Variants in RFWD3 observed in about 807,000 individuals in gnomAD.
The protein encoded by RFWD3 is E3 ubiquitin-protein ligase RFWD3.
Under a neutral mutation model 87.7 loss-of-function variants are expected in RFWD3, and 65 were observed. The observed-to-expected ratio is 0.74, with a 90% confidence interval of 0.61 to 0.91. The LOEUF (loss-of-function observed/expected upper bound fraction) is 0.91. RFWD3 is among the 40% of genes least tolerant of loss of function. The pLI, the probability that RFWD3 is intolerant of heterozygous loss-of-function variation, is 0.00. For synonymous variants in RFWD3, 433 were observed against 352.8 expected, an observed-to-expected ratio of 1.23 and a Z score of -2.55; for missense variants, 1,078 against 938.5, an observed-to-expected ratio of 1.15 and a Z score of -1.94.
intron 6 of RFWD3, 50 bp downstream of exon 6, chr16:74,644,312 A>G (rs746665967): frequency 2.5e-6 from 4 of 1,574,592 alleles, no homozygotes; most frequent in Non-Finnish European, 3.5e-6. Context: ...AGATGTGCCT[A>G]CAATGAACCA....
chr16:74,623,052 T>C lies in RFWD3; in HGVS notation c.*876A>G, dbSNP rs1273543804. 2.0e-5 allele frequency: 3 copies of C among 152,202 alleles called. No homozygotes were observed. The highest frequency in any genetic ancestry group is 7.2e-5 in the African/African-American group (3 of 41,446). The allele number at this position is 152,202 out of a possible 1,614,324, so 9.4% of individuals were successfully genotyped here. ...TCTCTGACACTAGGGGAGACTCAAG[T>C]AAAAGCTTTGACCTATCACTCATCT... On this transcript the variant is annotated 3_prime_UTR_variant, in exon 13 of 13. Transcript: ENST00000361070.
At chr16:74,633,027 A>G (rs1959150324) in intron 8 of RFWD3, among the ~76,000 whole-genome samples, 1 of 152,064 alleles carries the variant, frequency 6.6e-6, no homozygotes, top group East Asian at 1.9e-4. Flanking sequence ...CTGTAATCCC[A>G]GCACTTTGGG....
intron 7 of RFWD3, among the ~76,000 whole-genome samples, chr16:74,636,899 G>C (rs1959210068): frequency 6.6e-6 from 1 of 151,754 alleles, no homozygotes; most frequent in African/African-American, 2.4e-5. Flanking sequence ...TTTTAGTAGA[G>C]ATGGGGTTTT....
intron 9 of RFWD3, among the ~76,000 whole-genome samples, chr16:74,631,364 C>T (rs1353484725): frequency 6.6e-6 from 1 of 151,890 alleles, no homozygotes; most frequent in Non-Finnish European, 1.5e-5. Context: ...CCCAGCTACT[C>T]GGGAGGCTGA....
At chr16:74,651,692 T>C (rs1960579734) in intron 3 of RFWD3, among the ~76,000 whole-genome samples, 2 of 152,146 alleles carry the variant, frequency 1.3e-5, no homozygotes, top group Admixed American at 1.3e-4. Flanking sequence ...AAAATGCCAC[T>C]ACAAAGTGAC....
In RFWD3 at chr16:74,647,883, C is replaced by T. The variant is rs369038170; in HGVS notation, c.792+1249G>A. Among the ~76,000 whole-genome samples the T allele has an allele frequency of 3.3e-5, 5 of 152,208 alleles. No individual in the cohort carries two copies. In the East Asian group the frequency reaches 7.8e-4, roughly 24 times the overall value. ...CTGGGATTATAGGCATGGGCCACCG[C>T]GCCCAGCCCATTATTTTTAAAAATA... On this transcript the variant is annotated intron_variant, in intron 4 of 12. Coordinates refer to ENST00000361070, the MANE Select transcript of RFWD3 (RefSeq NM_018124.4).
At chr16:74,652,760 T>C (rs1196251403) in intron 2 of RFWD3, among the ~76,000 whole-genome samples, 2 of 152,218 alleles carry the variant, frequency 1.3e-5, no homozygotes, top group East Asian at 1.9e-4. Context: ...ACCACTACTG[T>C]ACCTCAGTTT....
intron 2 of RFWD3, among the ~76,000 whole-genome samples, chr16:74,657,295 G>T (rs528335202): frequency 6.6e-6 from 1 of 152,156 alleles, no homozygotes; most frequent in Non-Finnish European, 1.5e-5. Flanking sequence ...AGAGCTCAAT[G>T]AGATTCGGCT....
In RFWD3 at chr16:74,632,635, T is replaced by C; in HGVS notation, c.1465A>G (p.Ser489Gly). ...CCATGCATCGGAATGTACTGACTGC[T>C]CTTCATGTTGGCAGTACTCAACATC... ...VKMLSTANMK[S>G]SQYIPMHGKQ... The change falls in exon 9 of 13, where the codon AGC becomes GGC. Residue 489 changes from serine (S) to glycine (G), a missense_variant. Transcript: ENST00000361070. 1 of 1,614,070 alleles carries C rather than the reference T, an allele frequency of 6.2e-7. No individual in the cohort carries two copies. Among genetic ancestry groups the C allele is most frequent in the Non-Finnish European group, 8.5e-7 (1 of 1,179,984 alleles).
intron 6 of RFWD3, among the ~76,000 whole-genome samples, chr16:74,640,316 T>C (rs1013956359): frequency 1.3e-5 from 2 of 151,854 alleles, no homozygotes; most frequent in Non-Finnish European, 2.9e-5. Context: ...CAGCTAATTT[T>C]TGTATTCTTA....
rs1342623731 is a variant in RFWD3 at position 74,644,555 on chromosome 16, G to A, written c.973C>T (p.Arg325Ter). The change falls in exon 5 of 13, where the codon CGA becomes TGA. Residue 325 changes from arginine to a stop codon, truncating the protein, a stop_gained. Coordinates refer to ENST00000361070, the MANE Select transcript of RFWD3 (RefSeq NM_018124.4). LOFTEE classifies it high-confidence loss of function. ...CISTWLKGQV[R>*]KCPQCNKKAR... ...ATGGTCCTTACCTGGGGACATTTTCGTACTTGTCCTTTAAGCCACGTGGAA... is the reference window on the plus strand; with the variant it reads ...ATGGTCCTTACCTGGGGACATTTTCATACTTGTCCTTTAAGCCACGTGGAA... 5.0e-6 allele frequency: 8 copies of A among 1,613,932 alleles called. No homozygotes were observed. The highest frequency in any genetic ancestry group is 1.7e-5 in the Admixed American group (1 of 59,986).
chr16:74,652,189 G>A (rs1028331031), intron 2 of RFWD3, 67 bp from the exon 3 acceptor site: 20 of 1,414,108 alleles, frequency 1.4e-5, no homozygotes, highest in Non-Finnish European at 1.9e-5. Flanking sequence ...AATCTATAGT[G>A]ATTTGAAGTA....
chr16:74,657,352 A>T (rs1378623171), intron 2 of RFWD3, among the ~76,000 whole-genome samples: 1 of 152,096 alleles, frequency 6.6e-6, no homozygotes, highest in East Asian at 1.9e-4. Context: ...GCATTTGGTC[A>T]GTTTCCTGAA....
At chr16:74,624,711 A>G (rs1958870845) in intron 12 of RFWD3, among the ~76,000 whole-genome samples, 1 of 152,152 alleles carries the variant, frequency 6.6e-6, no homozygotes, top group African/African-American at 2.4e-5. Flanking sequence ...AAAATTTATT[A>G]TTGGCCAGGC....
Position 74,624,026 on chromosome 16 carries a change from C to T in RFWD3, c.2227G>A (p.Asp743Asn), listed in dbSNP as rs775043994. The T allele has an allele frequency of 1.5e-5, 24 of 1,613,910 alleles. No individual in the cohort carries two copies. Among genetic ancestry groups the T allele is most frequent in the African/African-American group, 1.5e-4 (11 of 74,894 alleles). ...GGGCAGATGTCCAACACAGGCTGAT[C>T]GGTCTGTAGGTCCTGGAGCAACGAG... is the stretch of plus-strand genomic sequence containing the variant. ...SGSLLQDLQT[D>N]QPVLDICPFE... is the part of the protein sequence containing the mutation. The change falls in exon 13 of 13, where the codon GAT becomes AAT. Residue 743 changes from aspartate to asparagine, a missense_variant. Coordinates refer to ENST00000361070, the MANE Select transcript of RFWD3 (RefSeq NM_018124.4).
chr16:74,652,068 C>G lies in RFWD3; in HGVS notation c.573G>C (p.Leu191Phe). ...YFQVSRTQPD[L>F]PATTYDSETR... is the part of the protein sequence containing the mutation. Reference sequence around the variant, plus strand: ...TCTCTGAATCATAAGTGGTAGCTGGCAAGTCAGGCTGGGTCCTGCTCACCT... The same window carrying G: ...TCTCTGAATCATAAGTGGTAGCTGGGAAGTCAGGCTGGGTCCTGCTCACCT... The change falls in exon 3 of 13, where the codon TTG (leucine) becomes TTC (phenylalanine). Residue 191 changes from leucine (L) to phenylalanine (F), a missense_variant. By Grantham distance (22) the Leu-to-Phe change is conservative. Transcript: ENST00000361070. The G allele has an allele frequency of 6.2e-7, 1 of 1,614,104 alleles. No individual in the cohort carries two copies. The highest frequency in any genetic ancestry group is 2.2e-5 in the East Asian group (1 of 44,888).
rs1960601598 is a variant in RFWD3, at chr16:74,651,973, T to C, written c.668A>G (p.Glu223Gly). The stretch of plus-strand genomic sequence containing the variant: ...TGCCTGGTCAACAACCCCTCCATAC[T>C]CTGCAGAGCTGTCACTGTCAGAATC... ...SSDSDSDSSA[E>G]YGGVVDQAEE... Residue 223 changes from glutamate (E) to glycine (G), a missense_variant, in exon 3 of 13, where the codon GAG becomes GGG. Transcript: ENST00000361070. 1.2e-6 allele frequency: 2 copies of C among 1,613,892 alleles called. No homozygotes were observed. The highest frequency in any genetic ancestry group is 1.1e-5 in the South Asian group (1 of 91,086).
intron 1 of RFWD3, chr16:74,666,195 T>C (rs1961894151): frequency 3.5e-5 from 4 of 112,966 alleles, no homozygotes; most frequent in Admixed American, 2.2e-4. Context: ...GATAGATAGA[T>C]AGATAGATAG....
chr16:74,626,262 TAA>T, intron 12 of RFWD3, 79 bp downstream of exon 12: 1 of 1,287,268 alleles, frequency 7.8e-7, no homozygotes, highest in Non-Finnish European at 1.1e-6. Context: ...TGAGCTTCTG[TAA>T]AAAAAGTTCA....
Sources: allele counts gnomAD v4.1 joint callset (sites outside exome capture counted in the v4.1 genomes callset), GRCh38; gene constraint gnomAD v4.1.1; transcripts MANE v1.5; gene names NCBI Gene and HGNC (gene_info 2026-07-23, HGNC 2026-07-21).